The following P4HTM variants were observed in gnomAD, a reference collection of about 807,000 sequenced individuals.
P4HTM encodes prolyl 4-hydroxylase, transmembrane.
P4HTM carries 33 observed loss-of-function variants against 55.3 expected under a neutral mutation model. The observed-to-expected ratio is 0.60, with a 90% CI of 0.45 to 0.80. The LOEUF (loss-of-function observed/expected upper bound fraction) is 0.80, where lower values mean the gene tolerates loss of function less well. Among genes scored for constraint, P4HTM ranks in the 30% least tolerant of loss-of-function variants. The pLI, the probability that P4HTM is intolerant of heterozygous loss-of-function variation, is 0.00. For synonymous variants in P4HTM, 272 were observed against 286.4 expected (o/e 0.95, Z 0.51); for missense variants, 542 against 696.5 (o/e 0.78, Z 2.50).
chr3:49,002,814 AG>A lies in P4HTM; in HGVS notation c.724+221del. 1.5e-6 allele frequency: 1 copy of A among 647,056 alleles called. No individual in the cohort carries two copies. Among genetic ancestry groups the A allele is most frequent in the Non-Finnish European group, 2.8e-6 (1 of 353,088 alleles). 40.1% of individuals were successfully genotyped at this position (647,056 alleles called of 1,614,324 possible). A position where few individuals can be genotyped will look rare whatever the true frequency, so the allele number is the denominator to read the frequency against. On this transcript the variant is annotated intron_variant, in intron 4 of 8. Coordinates refer to ENST00000383729, the MANE Select transcript of P4HTM (RefSeq NM_177939.3). The surrounding 1 kb of genome is among the most constrained non-coding windows in gnomAD (Gnocchi z 4.4). ...CCCGTTCCCCTTGGTGATGGTCTCG[AG>A]GGCAGTTCTTGGAGACCCTTTTGAT...
intron 7 of P4HTM, 31 bp from the exon 8 acceptor site, chr3:49,006,033 G>A: frequency 6.3e-7 from 1 of 1,598,856 alleles, no homozygotes; most frequent in Non-Finnish European, 8.6e-7. Context: ...GTGGGGACAG[G>A]TTGAACACCC....
At chr3:49,006,043 C>T in intron 7 of P4HTM, 21 bp from the exon 8 acceptor site, 1 of 1,605,838 alleles carries the variant, frequency 6.2e-7, no homozygotes. Flanking sequence ...GTTGAACACC[C>T]CACCACCCTG....
chr3:48,990,579 T>C lies in P4HTM; in HGVS notation c.323T>C (p.Leu108Ser). 6.2e-7 allele frequency: 1 copy of C among 1,605,052 alleles called. No homozygotes were observed. The highest frequency in any genetic ancestry group is 1.1e-5 in the South Asian group (1 of 90,174). The change falls in exon 1 of 9, where the codon TTA becomes TCA. Residue 108 changes from leucine to serine, a missense_variant. Physicochemically the swap from Leu to Ser is moderately radical, Grantham distance 145. Around this residue, in one of 2 missense-constraint regions of P4HTM, gnomAD observed 536 missense variants for 672.1 expected, o/e 0.80. Transcript: ENST00000383729. This position sits in a 1 kb window ranked among gnomAD's most constrained non-coding sequence, Gnocchi z 7.2. ...CAGGGCCCCGGGCCCGAGCCCACCTTAGGTCCCCTCACCCGGCTGGAGGGC... is the reference window on the plus strand; with the variant it reads ...CAGGGCCCCGGGCCCGAGCCCACCTCAGGTCCCCTCACCCGGCTGGAGGGC... ...RAQGPGPEPT[L>S]GPLTRLEGIK...
In P4HTM at chr3:48,990,539, C is replaced by G; in HGVS notation, c.283C>G (p.Pro95Ala). The G allele has an allele frequency of 6.2e-7, 1 of 1,610,606 alleles. No homozygotes were observed. The highest frequency in any genetic ancestry group is 8.5e-7 in the Non-Finnish European group (1 of 1,179,218). ...CGGCGACGAAAGCAGCGATCCCGGG[C>G]CCCAACACCGTGCCCAGGGCCCCGG... is the stretch of plus-strand genomic sequence containing the variant. ...SNGDESSDPG[P>A]QHRAQGPGPE... Residue 95 changes from proline to alanine, a missense_variant, in exon 1 of 9, where the codon CCC becomes GCC. Around this residue, in one of 2 missense-constraint regions of P4HTM, gnomAD observed 536 missense variants for 672.1 expected, o/e 0.80. Transcript: ENST00000383729. The surrounding 1 kb of genome is among the most constrained non-coding windows in gnomAD (Gnocchi z 7.2).
rs2092961436 is a variant in P4HTM at position 49,001,585 on chromosome 3, GGCT to G, written c.589_591del (p.Leu197del). 1 of 1,613,402 alleles carries G rather than the reference GGCT, an allele frequency of 6.2e-7. No individual in the cohort carries two copies. Among genetic ancestry groups the G allele is most frequent in the Non-Finnish European group, 8.5e-7 (1 of 1,179,822 alleles). On this transcript the variant is annotated inframe_deletion, in exon 3 of 9. Coordinates refer to ENST00000383729, the MANE Select transcript of P4HTM (RefSeq NM_177939.3). ...CAGGTCAGCCAGCTGGACCTCTTCC[GGCT>G]GCTGGACCAGAACCGTGATGGGCAC...
Position 48,990,714 on chromosome 3 carries a change from G to A in P4HTM, c.354+104G>A, listed in dbSNP as rs2092928571. ...CACGCTGCCCCCGGCGCTGCTCTGC[G>A]TCGGTCCCGCGCGCTCCCACTCACT... On this transcript the variant is annotated intron_variant, in intron 1 of 8. Coordinates refer to ENST00000383729, the MANE Select transcript of P4HTM (RefSeq NM_177939.3). This position sits in a 1 kb window ranked among gnomAD's most constrained non-coding sequence, Gnocchi z 7.2. 1.4e-6 allele frequency: 2 copies of A among 1,471,960 alleles called. No homozygotes were observed. Among genetic ancestry groups the A allele is most frequent in the African/African-American group, 2.8e-5 (2 of 71,558 alleles). 91.2% of individuals were successfully genotyped at this position (1,471,960 alleles called of 1,614,324 possible).
chr3:49,004,477 T>A, intron 5 of P4HTM: 1 of 578,462 alleles, frequency 1.7e-6, no homozygotes, highest in South Asian at 2.2e-5. Flanking sequence ...TGGGGTTAGA[T>A]AGAGATTGAG....
In P4HTM at chr3:49,002,148, G is replaced by A. The variant is rs2092962890; in HGVS notation, c.628-352G>A. ...CTAACCAGGTCTCCCCCTGGTGCCT[G>A]TTCTCCCTTAACACCCAGGACTTGG... On this transcript the variant is annotated intron_variant, in intron 3 of 8. Coordinates refer to ENST00000383729, the MANE Select transcript of P4HTM (RefSeq NM_177939.3). The surrounding 1 kb of genome is among the most constrained non-coding windows in gnomAD (Gnocchi z 4.4). Among the ~76,000 whole-genome samples, 2 of 152,228 alleles carry A rather than the reference G, an allele frequency of 1.3e-5. No individual in the cohort carries two copies. The highest frequency in any genetic ancestry group is 2.9e-5 in the Non-Finnish European group (2 of 68,034).
At position 49,002,580 on chromosome 3, in the gene P4HTM, T is replaced by C. The variant is rs762291178; in HGVS notation, c.708T>C (p.Ala236=). 9 of 1,612,872 alleles carry C rather than the reference T, an allele frequency of 5.6e-6. No homozygotes were observed. In the South Asian group the frequency reaches 9.9e-5, roughly 18 times the overall value. Residue 236 remains alanine (A), a synonymous_variant, in exon 4 of 9, where the codon GCT becomes GCC. Coordinates refer to ENST00000383729, the MANE Select transcript of P4HTM (RefSeq NM_177939.3). This position sits in a 1 kb window ranked among gnomAD's most constrained non-coding sequence, Gnocchi z 4.4. Reference sequence around the variant, plus strand: ...AGGAGATGTACGCCGCGATCAAGGCTGACCCTGATGGTGACGGTGAGCTCA... The same window carrying C: ...AGGAGATGTACGCCGCGATCAAGGCCGACCCTGATGGTGACGGTGAGCTCA... The part of the protein sequence containing the change: ...SIQEMYAAIK[A]DPDGDGVLSL...
At chr3:49,001,218 A>C in intron 2 of P4HTM, 1 of 584,168 alleles carries the variant, frequency 1.7e-6, no homozygotes, top group Non-Finnish European at 3.1e-6. Flanking sequence ...GTGTGCTCTC[A>C]TCATCAAGAG....
chr3:49,005,348 T>C (rs1576608642), intron 6 of P4HTM: 1 of 1,422,202 alleles, frequency 7.0e-7, no homozygotes, highest in Admixed American at 3.0e-5. Context: ...TCCTGCCCAT[T>C]CCTCCAGGTG....
In P4HTM at chr3:48,990,569, G is replaced by C. The variant is rs574170940; in HGVS notation, c.313G>C (p.Glu105Gln). ...PQHRAQGPGP[E>Q]PTLGPLTRLE... ...ACACCGTGCCCAGGGCCCCGGGCCC[G>C]AGCCCACCTTAGGTCCCCTCACCCG... Residue 105 changes from glutamate (E) to glutamine (Q), a missense_variant, in exon 1 of 9, where the codon GAG becomes CAG. Around this residue, in one of 2 missense-constraint regions of P4HTM, gnomAD observed 536 missense variants for 672.1 expected, o/e 0.80. Transcript: ENST00000383729. The surrounding 1 kb of genome is among the most constrained non-coding windows in gnomAD (Gnocchi z 7.2). 6.2e-7 allele frequency: 1 copy of C among 1,607,838 alleles called. No homozygotes were observed. The highest frequency in any genetic ancestry group is 8.5e-7 in the Non-Finnish European group (1 of 1,178,140).
Position 49,006,678 on chromosome 3 carries a change from C to T in P4HTM, c.1289-9C>T. The T allele has an allele frequency of 6.2e-7, 1 of 1,612,724 alleles. No homozygotes were observed. Among genetic ancestry groups the T allele is most frequent in the Non-Finnish European group, 8.5e-7 (1 of 1,179,284 alleles). ...CAGCCTAGGATCTCACGTCACCCTC[C>T]TCTTCTAGGTTGGGTGGGTGACGTA... On this transcript the variant is annotated splice_polypyrimidine_tract_variant and intron_variant, in intron 8 of 8. Transcript: ENST00000383729.
intron 2 of P4HTM, among the ~76,000 whole-genome samples, chr3:48,994,961 G>A (rs1559889078): frequency 1.3e-5 from 2 of 151,872 alleles, no homozygotes; most frequent in Non-Finnish European, 2.9e-5. Flanking sequence ...CACCACACCT[G>A]GCTAATTTTT....
chr3:49,005,960 A>G, intron 7 of P4HTM, 93 bp downstream of exon 7: 1 of 1,541,218 alleles, frequency 6.5e-7, no homozygotes, highest in Non-Finnish European at 8.8e-7. Flanking sequence ...GTGGGCCCAA[A>G]TTATTCCTTG....
upstream of P4HTM, chr3:48,990,199 T>A (rs2092926273): frequency 8.9e-7 from 1 of 1,119,694 alleles, no homozygotes; most frequent in African/African-American, 1.7e-5. The surrounding 1 kb of genome is among the most constrained non-coding windows in gnomAD (Gnocchi z 7.2). Context: ...TCCGGGCGAC[T>A]GCGCAGCGCG....
intron 2 of P4HTM, among the ~76,000 whole-genome samples, chr3:49,000,578 C>G (rs1339991273): frequency 6.6e-6 from 1 of 152,132 alleles, no homozygotes; most frequent in Non-Finnish European, 1.5e-5. Context: ...AGACCGCTCT[C>G]CCAGGAACAA....
intron 2 of P4HTM, among the ~76,000 whole-genome samples, chr3:49,000,888 C>T (rs2092959046): frequency 6.6e-6 from 1 of 152,240 alleles, no homozygotes; most frequent in Admixed American, 6.5e-5. Context: ...GTAACCCTCA[C>T]TGATCTTCCA....
At chr3:49,001,054 C>T in intron 2 of P4HTM, 1 of 288,894 alleles carries the variant, frequency 3.5e-6, no homozygotes, top group Admixed American at 4.6e-5. Context: ...AAGCAGCCAC[C>T]ATCTCCCCAC....
Sources: allele counts gnomAD v4.1 joint callset (sites outside exome capture counted in the v4.1 genomes callset), GRCh38; gene constraint gnomAD v4.1.1; regional missense constraint gnomAD v4.1.1; non-coding constraint Gnocchi (gnomAD v3.1); transcripts MANE v1.5; gene names NCBI Gene and HGNC (gene_info 2026-07-23, HGNC 2026-07-21).